Variants in STIM2 observed in about 807,000 individuals in gnomAD.
The protein encoded by STIM2 is stromal interaction molecule 2.
Under a neutral mutation model 85.8 loss-of-function variants are expected in STIM2, and 31 were observed. That is an observed-to-expected ratio of 0.36 (90% confidence interval 0.27 to 0.49). STIM2 has a LOEUF of 0.49. Ranked by LOEUF, STIM2 falls within the 20% of genes least tolerant of loss-of-function variation. The pLI is 0.98. For synonymous variants in STIM2, 356 were observed against 331.1 expected, an observed-to-expected ratio of 1.08 and a Z score of -0.82; for missense variants, 841 against 927.6, an observed-to-expected ratio of 0.91 and a Z score of 1.21.
In STIM2 at chr4:26,903,048, C is replaced by A. The variant is rs555556054; in HGVS notation, c.152-16456C>A. On this transcript the variant is annotated intron_variant, in intron 1 of 11. Coordinates refer to ENST00000467087, the MANE Select transcript of STIM2 (RefSeq NM_020860.4). ...AATAAGGTCTTTTCCTGCTCGGTGA[C>A]ATCTCTGTATTATGGAGTCTGCATA... Among the ~76,000 whole-genome samples the A allele has an allele frequency of 2.0e-5, 3 of 152,190 alleles. No homozygotes were observed. The East Asian group carries it at 5.8e-4, about 29-fold the overall frequency.
intron 1 of STIM2, among the ~76,000 whole-genome samples, chr4:26,897,316 G>T (rs559777850): frequency 6.6e-6 from 1 of 152,256 alleles, no homozygotes; most frequent in East Asian, 1.9e-4. Flanking sequence ...TTTTACTTTA[G>T]TTGTAATAGG....
intron 3 of STIM2, among the ~76,000 whole-genome samples, chr4:26,972,660 T>G (rs907568870): frequency 6.6e-6 from 1 of 152,216 alleles, no homozygotes; most frequent in Admixed American, 6.5e-5. Context: ...TATTGAGGAT[T>G]TTTACATCGT....
intron 3 of STIM2, among the ~76,000 whole-genome samples, chr4:26,988,010 T>C (rs1727642276): frequency 6.6e-6 from 1 of 152,244 alleles, no homozygotes; most frequent in Non-Finnish European, 1.5e-5. Context: ...ACTTGGCCTC[T>C]CTTGGCCTAG....
At chr4:26,897,599 T>C (rs971477688) in intron 1 of STIM2, among the ~76,000 whole-genome samples, 4 of 152,186 alleles carry the variant, frequency 2.6e-5, no homozygotes, top group Admixed American at 6.5e-5. Context: ...AAATCAGATA[T>C]ATAAATATCA....
At chr4:26,923,322 TC>T (rs1379669468) in intron 2 of STIM2, among the ~76,000 whole-genome samples, 84 of 151,760 alleles carry the variant, frequency 5.5e-4, no homozygotes, top group Non-Finnish European at 1.8e-4. Flanking sequence ...AGAGCGCCTC[TC>T]CTCCTCCAAA....
chr4:26,913,729 A>G (rs1021217268), intron 1 of STIM2, among the ~76,000 whole-genome samples: 9 of 152,232 alleles, frequency 5.9e-5, no homozygotes, highest in Non-Finnish European at 7.3e-5. Flanking sequence ...GTAAACAACT[A>G]TATTTATATT....
chr4:27,005,819 A>G (rs1489686355), intron 7 of STIM2, among the ~76,000 whole-genome samples: 1 of 152,218 alleles, frequency 6.6e-6, no homozygotes, highest in Non-Finnish European at 1.5e-5. Context: ...GTTTCCTTTG[A>G]GCTCTTTTAG....
chr4:26,872,626 T>C (rs892531661), intron 1 of STIM2, among the ~76,000 whole-genome samples: 2 of 152,194 alleles, frequency 1.3e-5, no homozygotes, highest in East Asian at 3.8e-4. Flanking sequence ...ACTTAGTAAA[T>C]ATTTGAATGC....
At chr4:26,913,776 A>G (rs1724428968) in intron 1 of STIM2, among the ~76,000 whole-genome samples, 1 of 152,246 alleles carries the variant, frequency 6.6e-6, no homozygotes, top group Non-Finnish European at 1.5e-5. Context: ...GTAAACAAAT[A>G]TATTTTGAGC....
chr4:26,904,330 A>G (rs769027279), intron 1 of STIM2, among the ~76,000 whole-genome samples: 6 of 152,140 alleles, frequency 3.9e-5, no homozygotes, highest in African/African-American at 1.2e-4. Flanking sequence ...CTAAGTGTCA[A>G]TATATGTATA....
chr4:26,970,157 A>G (rs1726880577), intron 3 of STIM2, among the ~76,000 whole-genome samples: 1 of 148,720 alleles, frequency 6.7e-6, no homozygotes, highest in African/African-American at 2.5e-5. Context: ...CTGCTTCTGT[A>G]TCCAATCTGT....
At chr4:26,940,145 C>T (rs1364799006) in intron 2 of STIM2, among the ~76,000 whole-genome samples, 3 of 152,134 alleles carry the variant, frequency 2.0e-5, no homozygotes, top group Non-Finnish European at 4.4e-5. Flanking sequence ...TGCTGGTTTA[C>T]TCAGTAGCAA....
At chr4:26,959,712 AT>A (rs752598400) in intron 3 of STIM2, among the ~76,000 whole-genome samples, 564 of 141,434 alleles carry the variant, frequency 4.0e-3, no homozygotes, top group East Asian at 4.5e-3. Flanking sequence ...TGTTTACTTG[AT>A]TTTTTTTTTT....
At chr4:27,001,283 G>A (rs773135313) in intron 5 of STIM2, among the ~76,000 whole-genome samples, 8 of 152,154 alleles carry the variant, frequency 5.3e-5, no homozygotes, top group African/African-American at 1.4e-4. Context: ...AGAGAGCCCC[G>A]TGAAAATTAG....
At chr4:26,919,433 A>G in intron 1 of STIM2, 71 bp from the exon 2 acceptor site, 1 of 1,579,326 alleles carries the variant, frequency 6.3e-7, no homozygotes, top group South Asian at 1.2e-5. Flanking sequence ...GTTTTCTTTT[A>G]AATTATACTC....
intron 3 of STIM2, among the ~76,000 whole-genome samples, chr4:26,994,335 C>T (rs571843518): frequency 6.6e-6 from 1 of 152,200 alleles, no homozygotes; most frequent in Non-Finnish European, 1.5e-5. Flanking sequence ...GTAGCACCCT[C>T]TGTACTTTTG....
chr4:27,003,676 A>G (rs1268016333), intron 7 of STIM2, among the ~76,000 whole-genome samples: 1 of 151,908 alleles, frequency 6.6e-6, no homozygotes, highest in Admixed American at 6.6e-5. Flanking sequence ...TTCCTGCTGT[A>G]AAAAGAAAAA....
intron 3 of STIM2, among the ~76,000 whole-genome samples, chr4:26,962,319 G>A (rs764666151): frequency 2.0e-5 from 3 of 152,112 alleles, no homozygotes; most frequent in Non-Finnish European, 4.4e-5. Context: ...GTAATAATGC[G>A]AAATAAACTA....
intron 6 of STIM2, among the ~76,000 whole-genome samples, chr4:27,002,595 T>G (rs944552941): frequency 6.6e-6 from 1 of 152,212 alleles, no homozygotes; most frequent in Non-Finnish European, 1.5e-5. Flanking sequence ...AATAAATGAG[T>G]AGAAGAACAG....
Sources: gnomAD v4.1 joint callset for allele counts (sites outside exome capture counted in the v4.1 genomes callset) on GRCh38, gnomAD v4.1.1 for gene constraint, MANE v1.5 for transcripts, NCBI Gene and HGNC (gene_info 2026-07-23, HGNC 2026-07-21) for gene names.